Variants in FHIT observed in about 807,000 individuals in gnomAD.
FHIT encodes the protein fragile histidine triad diadenosine triphosphatase, also known as bis(5'-adenosyl)-triphosphatase.
In FHIT, 19 loss-of-function variants were observed where a neutral mutation model predicts 17.9. The observed-to-expected ratio is 1.06, with a 90% confidence interval of 0.74 to 1.56. FHIT has a LOEUF of 1.56. Ranked by LOEUF, FHIT falls within the 40% of genes most tolerant of loss-of-function variation. The pLI is 0.00. For synonymous variants in FHIT, 81 were observed against 69.7 expected (o/e 1.16, Z -0.81); for missense variants, 248 against 189.2 (o/e 1.31, Z -1.82).
intron 5 of FHIT, among the ~76,000 whole-genome samples, chr3:60,168,800 C>A (rs1243970183): frequency 6.6e-6 from 1 of 152,156 alleles, no homozygotes; most frequent in African/African-American, 2.4e-5. Flanking sequence ...ATTTTTGTAA[C>A]GATTGATACT....
chr3:60,836,101 T>A (rs1218149627), intron 3 of FHIT, among the ~76,000 whole-genome samples: 1 of 152,136 alleles, frequency 6.6e-6, no homozygotes, highest in Admixed American at 6.5e-5. Flanking sequence ...TGAATAGGAG[T>A]GGTGGAACCA....
chr3:60,979,455 T>A (rs1201986794), intron 3 of FHIT, among the ~76,000 whole-genome samples: 1 of 152,174 alleles, frequency 6.6e-6, no homozygotes, highest in Non-Finnish European at 1.5e-5. Context: ...GAGGAGGAGC[T>A]ACTTTATTGG....
chr3:60,428,818 T>C (rs1240885591), intron 5 of FHIT, among the ~76,000 whole-genome samples: 2 of 152,122 alleles, frequency 1.3e-5, no homozygotes, highest in Non-Finnish European at 2.9e-5. Flanking sequence ...AGAATTTTCT[T>C]ACGGGAGAGA....
chr3:60,241,820 A>G (rs896903029), intron 5 of FHIT, among the ~76,000 whole-genome samples: 5 of 152,156 alleles, frequency 3.3e-5, no homozygotes, highest in African/African-American at 1.2e-4. Flanking sequence ...GGACTGCTAT[A>G]AAAGAGGAAG....
chr3:60,324,619 T>C (rs1709597851), intron 5 of FHIT, among the ~76,000 whole-genome samples: 2 of 149,354 alleles, frequency 1.3e-5, no homozygotes, highest in Admixed American at 1.3e-4. Context: ...GACAATAGAG[T>C]TGTGGTTGAA....
chr3:60,377,575 G>A (rs369701268), intron 5 of FHIT, among the ~76,000 whole-genome samples: 231 of 138,872 alleles, frequency 1.7e-3, no homozygotes, highest in Non-Finnish European at 2.3e-3. Context: ...TCCGCTTCCC[G>A]GGTTCACGCC....
At chr3:60,191,195 A>G (rs955198645) in intron 5 of FHIT, among the ~76,000 whole-genome samples, 2 of 152,210 alleles carry the variant, frequency 1.3e-5, no homozygotes, top group African/African-American at 2.4e-5. Context: ...TATACTATAC[A>G]GCTTTGGTAC....
At chr3:60,132,459 A>G (rs1699635184) in intron 5 of FHIT, among the ~76,000 whole-genome samples, 1 of 152,190 alleles carries the variant, frequency 6.6e-6, no homozygotes, top group Non-Finnish European at 1.5e-5. Flanking sequence ...GAAAAATTAT[A>G]AGGCTAGCAA....
At chr3:60,794,623 T>C (rs986129563) in intron 4 of FHIT, among the ~76,000 whole-genome samples, 1 of 152,222 alleles carries the variant, frequency 6.6e-6, no homozygotes, top group Non-Finnish European at 1.5e-5. Context: ...TATTAACACA[T>C]TGCTTATTAA....
chr3:60,699,900 T>C (rs1458639294), intron 4 of FHIT, among the ~76,000 whole-genome samples: 6 of 151,836 alleles, frequency 4.0e-5, no homozygotes, highest in Non-Finnish European at 8.8e-5. Context: ...TCCCAACACT[T>C]TGGGAGGCCG....
At chr3:60,181,775 C>T (rs1296125123) in intron 5 of FHIT, among the ~76,000 whole-genome samples, 2 of 152,128 alleles carry the variant, frequency 1.3e-5, no homozygotes, top group East Asian at 3.9e-4. Flanking sequence ...TCTTTATAGC[C>T]TTCAAGATAT....
chr3:60,195,906 A>G (rs1323545987), intron 5 of FHIT, among the ~76,000 whole-genome samples: 1 of 151,978 alleles, frequency 6.6e-6, no homozygotes, highest in East Asian at 1.9e-4. Context: ...GGGGATTTTA[A>G]AAAACTACAT....
intron 8 of FHIT, among the ~76,000 whole-genome samples, chr3:59,905,725 A>C (rs948275681): frequency 3.9e-5 from 6 of 152,228 alleles, no homozygotes; most frequent in African/African-American, 1.4e-4. Flanking sequence ...AATCCAGAAA[A>C]GCCTATAAAA....
chr3:60,956,161 C>T (rs1283983038), intron 3 of FHIT, among the ~76,000 whole-genome samples: 2 of 152,000 alleles, frequency 1.3e-5, no homozygotes, highest in African/African-American at 4.8e-5. Context: ...TTGTTGTAAA[C>T]CTAAAGTTAC....
chr3:59,935,630 G>C (rs1321631719), intron 7 of FHIT, among the ~76,000 whole-genome samples: 2 of 151,996 alleles, frequency 1.3e-5, no homozygotes, highest in Non-Finnish European at 2.9e-5. Context: ...TGAATGGATG[G>C]ATGAATGGAT....
chr3:60,371,590 A>G (rs1282853233), intron 5 of FHIT, among the ~76,000 whole-genome samples: 1 of 152,138 alleles, frequency 6.6e-6, no homozygotes, highest in East Asian at 1.9e-4. Context: ...TTATTTTTCA[A>G]TCTTACTGGA....
intron 4 of FHIT, among the ~76,000 whole-genome samples, chr3:60,783,213 C>A (rs568763896): frequency 1.3e-5 from 2 of 152,104 alleles, no homozygotes; most frequent in East Asian, 3.9e-4. Flanking sequence ...GTCTTATGTT[C>A]CAACATACGA....
intron 4 of FHIT, among the ~76,000 whole-genome samples, chr3:60,607,184 C>T (rs551596177): frequency 6.6e-6 from 1 of 152,164 alleles, no homozygotes; most frequent in Admixed American, 6.5e-5. Context: ...ATAACCACAC[C>T]ACTAAAGCCC....
chr3:60,347,477 T>TG (rs1456391351), intron 5 of FHIT, among the ~76,000 whole-genome samples: 1 of 152,074 alleles, frequency 6.6e-6, no homozygotes, highest in African/African-American at 2.4e-5. Flanking sequence ...TAGCAAGTGC[T>TG]GGGGGGACGA....
Sources: gnomAD v4.1 joint callset for allele counts (sites outside exome capture counted in the v4.1 genomes callset) on GRCh38, gnomAD v4.1.1 for gene constraint, MANE v1.5 for transcripts, NCBI Gene and HGNC (gene_info 2026-07-23, HGNC 2026-07-21) for gene names.